DOK6: variants seen among roughly 807,000 people sequenced by gnomAD.
DOK6 encodes docking protein 6.
A neutral mutation model predicts 44.0 loss-of-function variants in DOK6; 22 were observed. The ratio of observed to expected loss-of-function variants is 0.50; its 90% CI spans 0.36 to 0.71. The LOEUF is 0.71. Ranked by LOEUF, DOK6 falls within the 30% of genes least tolerant of loss-of-function variation. The probability of loss-of-function intolerance (pLI) is 0.00; values close to 1 mark genes in which losing one functional copy is unlikely to be tolerated. For synonymous variants in DOK6, 166 were observed against 145.5 expected, an observed-to-expected ratio of 1.14 and a Z score of -1.01; for missense variants, 340 against 416.4, an observed-to-expected ratio of 0.82 and a Z score of 1.60.
At chr18:69,731,694 T>C (rs1247125260) in intron 5 of DOK6, among the ~76,000 whole-genome samples, 1 of 152,164 alleles carries the variant, frequency 6.6e-6, no homozygotes, top group African/African-American at 2.4e-5. Context: ...TGTTAGGTTC[T>C]CCTCAAAATG....
At chr18:69,431,591 A>G (rs1437283678) in intron 1 of DOK6, among the ~76,000 whole-genome samples, 1 of 152,182 alleles carries the variant, frequency 6.6e-6, no homozygotes, top group African/African-American at 2.4e-5. Context: ...ATCGGGCGCT[A>G]CCTGTCTCAT....
intron 2 of DOK6, among the ~76,000 whole-genome samples, chr18:69,573,664 C>A (rs1199705530): frequency 6.6e-6 from 1 of 151,204 alleles, no homozygotes; most frequent in Admixed American, 6.6e-5. Flanking sequence ...TATGCAAGGC[C>A]CCTTTTCTGA....
intron 1 of DOK6, among the ~76,000 whole-genome samples, chr18:69,424,639 G>A (rs1278587584): frequency 7.5e-6 from 1 of 134,024 alleles, no homozygotes; most frequent in Non-Finnish European, 1.7e-5. Flanking sequence ...ATAATTTTTT[G>A]TCTTACTCAA....
intron 3 of DOK6, among the ~76,000 whole-genome samples, chr18:69,613,634 AT>A (rs905630557): frequency 4.6e-5 from 7 of 152,166 alleles, no homozygotes; most frequent in African/African-American, 1.7e-4. Context: ...TATAAAAAAA[AT>A]AGATTATTCT....
At chr18:69,571,640 T>G (rs1599199033) in intron 2 of DOK6, among the ~76,000 whole-genome samples, 1 of 152,010 alleles carries the variant, frequency 6.6e-6, no homozygotes, top group East Asian at 1.9e-4. Flanking sequence ...GATAAACAGG[T>G]TGTTTCATGA....
At chr18:69,445,070 T>C (rs1037545600) in intron 1 of DOK6, among the ~76,000 whole-genome samples, 7 of 152,240 alleles carry the variant, frequency 4.6e-5, no homozygotes, top group Non-Finnish European at 7.3e-5. Flanking sequence ...AATGTATTGC[T>C]AAGTATTATA....
At chr18:69,744,656 G>A (rs1197068179) in intron 6 of DOK6, among the ~76,000 whole-genome samples, 1 of 152,090 alleles carries the variant, frequency 6.6e-6, no homozygotes, top group African/African-American at 2.4e-5. Context: ...TGGGCGGGGT[G>A]GCTCACGCCT....
At chr18:69,482,374 G>A (rs1212994644) in intron 1 of DOK6, among the ~76,000 whole-genome samples, 1 of 150,414 alleles carries the variant, frequency 6.6e-6, no homozygotes, top group Admixed American at 6.6e-5. Context: ...TCTTCCAAAT[G>A]GAAAATTATC....
chr18:69,630,968 G>A (rs558943397), intron 3 of DOK6, among the ~76,000 whole-genome samples: 1 of 152,088 alleles, frequency 6.6e-6, no homozygotes, highest in Non-Finnish European at 1.5e-5. Context: ...AAGTAGCTTG[G>A]CAAACTAAAG....
chr18:69,534,158 C>T (rs1319643019), intron 1 of DOK6, among the ~76,000 whole-genome samples: 2 of 152,128 alleles, frequency 1.3e-5, no homozygotes, highest in African/African-American at 2.4e-5. Context: ...TGCCTGTAGT[C>T]CCACTGCTAT....
intron 1 of DOK6, among the ~76,000 whole-genome samples, chr18:69,479,231 GT>G (rs1394851054): frequency 6.6e-6 from 1 of 152,058 alleles, no homozygotes; most frequent in Non-Finnish European, 1.5e-5. Flanking sequence ...TAGTAAACAA[GT>G]TTAGTCCTGA....
At chr18:69,839,090 A>G (rs555364979) in intron 7 of DOK6, among the ~76,000 whole-genome samples, 1 of 135,880 alleles carries the variant, frequency 7.4e-6, no homozygotes, top group South Asian at 2.4e-4. Context: ...CTCCTCCTCT[A>G]GCTCCTCCCC....
intron 5 of DOK6, among the ~76,000 whole-genome samples, chr18:69,708,783 CAAAAAAAAAAAA>C (rs376287840): frequency 1.3e-5 from 1 of 79,340 alleles, no homozygotes; most frequent in African/African-American, 5.0e-5. Context: ...AAATCCGTCT[CAAAAAAAAAAAA>C]AAAAAAAAAA....
At chr18:69,442,765 T>A (rs1979172662) in intron 1 of DOK6, among the ~76,000 whole-genome samples, 1 of 152,222 alleles carries the variant, frequency 6.6e-6, no homozygotes, top group Non-Finnish European at 1.5e-5. Flanking sequence ...TTGCTTATTG[T>A]CTTATACTAT....
At position 69,495,481 on chromosome 18, in the gene DOK6, C is replaced by T. The variant is rs556967262; in HGVS notation, c.67-69006C>T. ...AGGCCCTGGAGTGGGTAGCTCCTCT[C>T]TGCAGCTGGTTGTCCCAGTGGCTGC... is the stretch of plus-strand genomic sequence containing the variant. On this transcript the variant is annotated intron_variant, in intron 1 of 7. Coordinates refer to ENST00000382713, the MANE Select transcript of DOK6 (RefSeq NM_152721.6). Among the ~76,000 whole-genome samples, 16 of 152,280 alleles carry T rather than the reference C, an allele frequency of 1.1e-4. No individual in the cohort carries two copies. The South Asian group carries it at 3.1e-3, about 30-fold the overall frequency.
At chr18:69,482,062 A>G (rs1385267417) in intron 1 of DOK6, among the ~76,000 whole-genome samples, 1 of 151,960 alleles carries the variant, frequency 6.6e-6, no homozygotes, top group Non-Finnish European at 1.5e-5. Flanking sequence ...CCAATTTTTG[A>G]TGGGGTTGTT....
intron 3 of DOK6, among the ~76,000 whole-genome samples, chr18:69,606,958 T>C (rs1437212034): frequency 6.6e-6 from 1 of 152,092 alleles, no homozygotes; most frequent in African/African-American, 2.4e-5. Context: ...TACTTATGAG[T>C]AAATTTAACC....
At chr18:69,715,370 G>C (rs1986859415) in intron 5 of DOK6, among the ~76,000 whole-genome samples, 1 of 152,172 alleles carries the variant, frequency 6.6e-6, no homozygotes, top group South Asian at 2.1e-4. Flanking sequence ...CTTTAAGACA[G>C]TAGCAGAACT....
intron 7 of DOK6, among the ~76,000 whole-genome samples, chr18:69,811,330 TG>T (rs1412247010): frequency 7.2e-5 from 11 of 151,736 alleles, no homozygotes; most frequent in Non-Finnish European, 1.3e-4. Context: ...GGGGAGAGGT[TG>T]GTCAAAAGAC....
Sources: allele counts gnomAD v4.1 joint callset (sites outside exome capture counted in the v4.1 genomes callset), GRCh38; gene constraint gnomAD v4.1.1; transcripts MANE v1.5; gene names NCBI Gene and HGNC (gene_info 2026-07-23, HGNC 2026-07-21).